The following LAMB4 variants were observed in gnomAD, a reference collection of about 807,000 sequenced individuals.
LAMB4 encodes the protein laminin subunit beta-4.
LAMB4 carries 196 observed loss-of-function variants against 199.2 expected under a neutral mutation model. That is an observed-to-expected ratio of 0.98 (90% CI 0.88 to 1.11). The LOEUF (loss-of-function observed/expected upper bound fraction) is 1.11, where lower values mean the gene tolerates loss of function less well. Among genes scored for constraint, LAMB4 ranks in the 50% least tolerant of loss-of-function variants. The pLI is 0.00. For missense variants in LAMB4, 2,080 were observed against 2,171.2 expected (o/e 0.96, Z 0.83); for synonymous variants, 744 against 770.6 (o/e 0.97, Z 0.57).
chr7:108,040,183 C>T (rs912213331), intron 29 of LAMB4, among the ~76,000 whole-genome samples: 1 of 152,078 alleles, frequency 6.6e-6, no homozygotes, highest in Non-Finnish European at 1.5e-5. Flanking sequence ...GAATAAAATA[C>T]CTAAGAATAC....
Position 108,035,619 on chromosome 7 carries a change from A to G in LAMB4, c.4680-1273T>C, listed in dbSNP as rs985121331. The stretch of plus-strand genomic sequence containing the variant: ...TAGAGAGTACCAAAAAAAAAAAAAA[A>G]AAAGAAAAAAAAACGTAAGAAGGGG... On this transcript the variant is annotated intron_variant, in intron 30 of 33. Coordinates refer to ENST00000388781, the MANE Select transcript of LAMB4 (RefSeq NM_007356.3). 9.9e-4 allele frequency among the ~76,000 whole-genome samples: 150 copies of G among 150,994 alleles called. 1 individual carries two copies. The highest frequency in any genetic ancestry group is 1.8e-3 in the Non-Finnish European group (123 of 67,696).
chr7:108,124,172 T>C (rs985914755), intron 1 of LAMB4, among the ~76,000 whole-genome samples: 2 of 152,168 alleles, frequency 1.3e-5, no homozygotes, highest in African/African-American at 4.8e-5. Flanking sequence ...TGTGCCAGCA[T>C]ACCCAGCTAA....
At chr7:108,076,840 A>T (rs1563069971) in intron 17 of LAMB4, 104 bp downstream of exon 17, 1 of 1,319,582 alleles carries the variant, frequency 7.6e-7, no homozygotes, top group South Asian at 1.4e-5. Flanking sequence ...TAATTGAGCA[A>T]ATACGTTTAC....
intron 26 of LAMB4, among the ~76,000 whole-genome samples, chr7:108,050,930 G>C (rs1279091091): frequency 1.3e-5 from 2 of 152,108 alleles, no homozygotes; most frequent in African/African-American, 4.8e-5. Context: ...GTTTGCAGTG[G>C]TTTATATTCT....
In LAMB4 at chr7:108,091,621, C is replaced by T. The variant is rs761979988; in HGVS notation, c.1701+5G>A. On this transcript the variant is annotated splice_donor_5th_base_variant and intron_variant, in intron 14 of 33. Transcript: ENST00000388781. ...GTCTGTAGGGAAAGTAAATGAAATA[C>T]GAACCAAAGGCGCCAGTCCTTGGAG... 21 of 1,610,960 alleles carry T rather than the reference C, an allele frequency of 1.3e-5. No homozygotes were observed. Among genetic ancestry groups the T allele is most frequent in the Admixed American group, 6.7e-5 (4 of 59,380 alleles).
At chr7:108,064,108 G>A (rs191557845) in intron 21 of LAMB4, 123 bp from the exon 22 acceptor site, 13 of 695,196 alleles carry the variant, frequency 1.9e-5, no homozygotes, top group East Asian at 5.2e-5. Flanking sequence ...TCACACATTC[G>A]GGGTGAATAA....
intron 17 of LAMB4, among the ~76,000 whole-genome samples, chr7:108,072,023 A>G (rs1317265384): frequency 2.0e-5 from 3 of 150,776 alleles, no homozygotes; most frequent in Non-Finnish European, 2.9e-5. Flanking sequence ...CCCTCTAGGG[A>G]GCATTTTGGA....
chr7:108,124,359 TTTG>T (rs2038704005), intron 1 of LAMB4, among the ~76,000 whole-genome samples: 1 of 152,194 alleles, frequency 6.6e-6, no homozygotes, highest in Non-Finnish European at 1.5e-5. Context: ...CTGCTAAATC[TTTG>T]TTTATAGCCT....
At position 108,056,267 on chromosome 7, in the gene LAMB4, T is replaced by C. The variant is rs575205967; in HGVS notation, c.3380-260A>G. On this transcript the variant is annotated intron_variant, in intron 24 of 33. Coordinates refer to ENST00000388781, the MANE Select transcript of LAMB4 (RefSeq NM_007356.3). ...TTTTTATTGTGTGAGTGCAAGCATC[T>C]ACAAGTGGGATCCTCATCTATTTGA... Among the ~76,000 whole-genome samples the C allele has an allele frequency of 4.2e-3, 637 of 152,338 alleles. 1 individual carries two copies. Among genetic ancestry groups the C allele is most frequent in the Middle Eastern group, 6.8e-3 (2 of 294 alleles).
chr7:108,059,988 T>C (rs541901527), intron 23 of LAMB4, among the ~76,000 whole-genome samples: 26 of 152,342 alleles, frequency 1.7e-4, no homozygotes, highest in African/African-American at 6.0e-4. Flanking sequence ...GATGAAAATA[T>C]TGGATGGCAC....
intron 8 of LAMB4, among the ~76,000 whole-genome samples, chr7:108,105,165 T>C (rs1028565369): frequency 3.3e-5 from 5 of 152,236 alleles, no homozygotes; most frequent in African/African-American, 4.8e-5. Flanking sequence ...AATAAACAGT[T>C]GACATTTATT....
At chr7:108,109,841 A>T (rs1223148161) in intron 4 of LAMB4, among the ~76,000 whole-genome samples, 1 of 152,174 alleles carries the variant, frequency 6.6e-6, no homozygotes, top group Non-Finnish European at 1.5e-5. Flanking sequence ...ATCAGCCCTA[A>T]CCTGGACACA....
intron 32 of LAMB4, 142 bp downstream of exon 32, chr7:108,030,664 G>T (rs2034994564): frequency 1.3e-6 from 1 of 748,600 alleles, no homozygotes; most frequent in Non-Finnish European, 2.2e-6. Context: ...TGTGCATCAG[G>T]ATCCCCTCAA....
chr7:108,065,277 C>T (rs2036296510), intron 21 of LAMB4, among the ~76,000 whole-genome samples: 1 of 152,042 alleles, frequency 6.6e-6, no homozygotes, highest in African/African-American at 2.4e-5. Flanking sequence ...TGAATTAAGA[C>T]TTATGTGATG....
rs1216543251 is a variant in LAMB4, at chr7:108,025,861, C to T, written c.5147-1683G>A. On this transcript the variant is annotated intron_variant, in intron 33 of 33. Transcript: ENST00000388781. ...ATGATTGAGCTGGTTACACCAGACC[C>T]ATTCGCCATCCTCGTCTGTGTTCTG... Among the ~76,000 whole-genome samples, 3 of 152,190 alleles carry T rather than the reference C, an allele frequency of 2.0e-5. No homozygotes were observed. The East Asian group carries it at 5.8e-4, about 29-fold the overall frequency.
chr7:108,054,097 A>T (rs2035907897), intron 25 of LAMB4, among the ~76,000 whole-genome samples: 1 of 152,164 alleles, frequency 6.6e-6, no homozygotes, highest in South Asian at 2.1e-4. Context: ...ATCATAGTTC[A>T]CTGCAGCCTT....
Position 108,034,294 on chromosome 7 carries a change from G to T in LAMB4, c.4732C>A (p.Gln1578Lys), listed in dbSNP as rs2150493073. 1 of 1,612,824 alleles carries T rather than the reference G, an allele frequency of 6.2e-7. No homozygotes were observed. The highest frequency in any genetic ancestry group is 8.5e-7 in the Non-Finnish European group (1 of 1,178,888). Reference protein sequence around the residue: ...NLDKTLNQLQQAQITQGRANS... With the variant: ...NLDKTLNQLQKAQITQGRANS... Reference sequence around the variant, plus strand: ...GCCCGTCCTTGAGTGATTTGAGCTTGTTGTAACTGGTTCAATGTTTTGTCA... The same window carrying T: ...GCCCGTCCTTGAGTGATTTGAGCTTTTTGTAACTGGTTCAATGTTTTGTCA... Residue 1578 changes from glutamine to lysine, a missense_variant, in exon 31 of 34, where the codon CAA becomes AAA. Gln to Lys is a moderately conservative substitution (Grantham distance 53, BLOSUM62 1). Transcript: ENST00000388781.
At chr7:108,104,651 A>G (rs1449832907) in intron 8 of LAMB4, 32 bp from the exon 9 acceptor site, 7 of 1,608,218 alleles carry the variant, frequency 4.4e-6, no homozygotes, top group African/African-American at 1.3e-5. Flanking sequence ...GCGTTGAAAG[A>G]GGGCTTGTCC....
intron 25 of LAMB4, among the ~76,000 whole-genome samples, chr7:108,052,897 T>C (rs1000875432): frequency 2.0e-5 from 3 of 152,202 alleles, no homozygotes; most frequent in Non-Finnish European, 2.9e-5. Context: ...AACACATTCC[T>C]CATGATGGAG....
Sources: gnomAD v4.1 joint callset for allele counts (sites outside exome capture counted in the v4.1 genomes callset) on GRCh38, gnomAD v4.1.1 for gene constraint, MANE v1.5 for transcripts, NCBI Gene and HGNC (gene_info 2026-07-23, HGNC 2026-07-21) for gene names.